Variants in COL18A1 observed in about 807,000 individuals in gnomAD.
COL18A1 encodes the protein collagen type XVIII alpha 1 chain, also known as collagen alpha-1(XVIII) chain.
COL18A1 carries 133 observed loss-of-function variants against 168.0 expected under a neutral mutation model. That is an observed-to-expected ratio of 0.79 (90% CI 0.69 to 0.91). COL18A1 has a LOEUF of 0.91. Ranked by LOEUF, COL18A1 falls within the 40% of genes least tolerant of loss-of-function variation. COL18A1 has a pLI of 0.00. For synonymous variants in COL18A1, 949 were observed against 809.0 expected, an observed-to-expected ratio of 1.17 and a Z score of -2.94; for missense variants, 2,126 against 1,925.4, an observed-to-expected ratio of 1.10 and a Z score of -1.95.
At chr21:45,475,997 C>A (rs913919014) in intron 5 of COL18A1, among the ~76,000 whole-genome samples, 2 of 152,186 alleles carry the variant, frequency 1.3e-5, no homozygotes, top group Non-Finnish European at 2.9e-5. Context: ...GCCCCAGCCG[C>A]GGGACTGAGG....
intron 2 of COL18A1, among the ~76,000 whole-genome samples, chr21:45,437,817 C>T (rs1380927797): frequency 1.4e-5 from 1 of 70,220 alleles, no homozygotes. Context: ...CTCTCCTGCA[C>T]ACACTCACAC....
rs377152291 is a variant in COL18A1, at chr21:45,505,948, C to T, written c.3198C>T (p.Asn1066=). 521 of 1,613,260 alleles carry T rather than the reference C, an allele frequency of 3.2e-4. 6 individuals carry two copies. The African/African-American group carries it at 3.2e-3, about 10-fold the overall frequency. ...EQEELYVRVQ[N]GFRKVQLEAR... ...AGGAGCTCTACGTCCGCGTGCAGAA[C>T]GGGTTCCGGAAGGTCCAGGTGAGCG... The change falls in exon 37 of 42, where the codon AAC becomes AAT. Residue 1066 remains asparagine, a synonymous_variant. Coordinates refer to ENST00000651438, the MANE Select transcript of COL18A1 (RefSeq NM_001379500.1).
chr21:45,471,200 C>T lies in COL18A1; in HGVS notation c.651+2414C>T, dbSNP rs558057589. ...TGGGCGTGGGTGGCGCGCTATGGGC[C>T]GTGTGCTGAGGGCTGTGTTGGTTGA... is the stretch of plus-strand genomic sequence containing the variant. On this transcript the variant is annotated intron_variant, in intron 3 of 41. Coordinates refer to ENST00000651438, the MANE Select transcript of COL18A1 (RefSeq NM_001379500.1). The surrounding 1 kb of genome is among the most constrained non-coding windows in gnomAD (Gnocchi z 4.4). Among the ~76,000 whole-genome samples, 3 of 152,132 alleles carry T rather than the reference C, an allele frequency of 2.0e-5. No individual in the cohort carries two copies. The highest frequency in any genetic ancestry group is 4.8e-5 in the African/African-American group (2 of 41,482).
Position 45,509,371 on chromosome 21 carries a change from G to T in COL18A1, c.3265G>T (p.Ala1089Ser). 3.2e-6 allele frequency: 5 copies of T among 1,544,122 alleles called. No homozygotes were observed. Among genetic ancestry groups the T allele is most frequent in the Non-Finnish European group, 4.4e-6 (5 of 1,145,518 alleles). ...LPRGTDNEVA[A>S]LQPPVVQLHD... ...CCACCTGCAGGACAATGAAGTGGCC[G>T]CCTTGCAGCCCCCCGTGGTGCAGCT... The change falls in exon 39 of 42, where the codon GCC becomes TCC. Residue 1089 changes from alanine to serine, a missense_variant. By Grantham distance (99) the Ala-to-Ser change is moderately conservative (BLOSUM62 1). Coordinates refer to ENST00000651438, the MANE Select transcript of COL18A1 (RefSeq NM_001379500.1).
At chr21:45,427,106 C>G (rs953788556) in intron 2 of COL18A1, among the ~76,000 whole-genome samples, 2 of 152,206 alleles carry the variant, frequency 1.3e-5, no homozygotes, top group Non-Finnish European at 2.9e-5. Flanking sequence ...AAGCCGGGCT[C>G]TCTCCGGAGC....
At chr21:45,482,743 T>C in intron 14 of COL18A1, 52 bp from the exon 15 acceptor site, 1 of 1,614,152 alleles carries the variant, frequency 6.2e-7, no homozygotes, top group Non-Finnish European at 8.5e-7. Context: ...CCTTCCTCTG[T>C]CCACTGTGCT....
chr21:45,407,696 C>T (rs972726607), intron 2 of COL18A1: 1 of 152,308 alleles, frequency 6.6e-6, no homozygotes. Flanking sequence ...TCATGAGTCT[C>T]CTTGTCTCTG....
At chr21:45,455,244 C>A (rs2034753539) in intron 2 of COL18A1, among the ~76,000 whole-genome samples, 1 of 152,252 alleles carries the variant, frequency 6.6e-6, no homozygotes, top group African/African-American at 2.4e-5. Flanking sequence ...ACGTTGGGAA[C>A]CCTGTGGACA....
intron 9 of COL18A1, among the ~76,000 whole-genome samples, chr21:45,479,057 C>T (rs1042659083): frequency 1.3e-5 from 2 of 149,618 alleles, no homozygotes; most frequent in Non-Finnish European, 3.0e-5. Flanking sequence ...GGCCCACCCA[C>T]TGCAACAGGG....
intron 2 of COL18A1, chr21:45,455,504 G>A (rs752631911): frequency 7.3e-5 from 118 of 1,609,960 alleles, no homozygotes; most frequent in Non-Finnish European, 9.7e-5. Context: ...CCCTCCCGCC[G>A]CCCGCAGCTC....
At chr21:45,478,079 C>T (rs2035746747) in intron 8 of COL18A1, 114 bp downstream of exon 8, 11 of 748,180 alleles carry the variant, frequency 1.5e-5, no homozygotes, top group Non-Finnish European at 2.2e-5. Flanking sequence ...CGGGGCAGGT[C>T]AGCAGCCTCC....
At chr21:45,414,341 C>A (rs1303024384) in intron 2 of COL18A1, among the ~76,000 whole-genome samples, 1 of 152,240 alleles carries the variant, frequency 6.6e-6, no homozygotes, top group African/African-American at 2.4e-5. Context: ...GGCAGCAGGA[C>A]ATCCCTGTTT....
At chr21:45,489,580 G>A (rs576208873) in intron 19 of COL18A1, 59 bp downstream of exon 19, 68 of 1,173,022 alleles carry the variant, frequency 5.8e-5, no homozygotes, top group African/African-American at 2.9e-4. Flanking sequence ...GGGCCCAGCC[G>A]GACACCTGCG....
chr21:45,497,095 G>T lies in COL18A1; in HGVS notation c.2620+3G>T. 6.4e-7 allele frequency: 1 copy of T among 1,572,892 alleles called. No individual in the cohort carries two copies. On this transcript the variant is annotated splice_donor_region_variant and intron_variant, in intron 31 of 41. Coordinates refer to ENST00000651438, the MANE Select transcript of COL18A1 (RefSeq NM_001379500.1). ...CCCCGGGCCTCCAGGATTGCCAGGT[G>T]AGGGTCCTGGGCTCACAGCTGGGGA...
chr21:45,434,306 C>A (rs1339698308), intron 2 of COL18A1, among the ~76,000 whole-genome samples: 1 of 152,178 alleles, frequency 6.6e-6, no homozygotes, highest in Admixed American at 6.5e-5. Flanking sequence ...CGGGGACAGG[C>A]GGCCCGTGCT....
intron 6 of COL18A1, 100 bp downstream of exon 6, chr21:45,476,580 TGTGTA>T (rs902700555): frequency 6.1e-5 from 85 of 1,396,712 alleles, no homozygotes; most frequent in Non-Finnish European, 8.4e-5. Context: ...ATGTATGGTG[TGTGTA>T]GTGTGTGGTG....
At chr21:45,441,029 C>A (rs985844975) in intron 2 of COL18A1, among the ~76,000 whole-genome samples, 1 of 152,356 alleles carries the variant, frequency 6.6e-6, no homozygotes, top group Middle Eastern at 3.4e-3. Context: ...CACTGCTTGC[C>A]CCCGGGATGC....
chr21:45,494,321 C>T, intron 26 of COL18A1: 1 of 640,782 alleles, frequency 1.6e-6, no homozygotes, highest in Non-Finnish European at 2.8e-6. Context: ...ACGCAAACCC[C>T]AAACCCGACC....
chr21:45,510,443 G>A (rs2037512992), intron 40 of COL18A1, among the ~76,000 whole-genome samples, 182 bp downstream of exon 40: 1 of 152,182 alleles, frequency 6.6e-6, no homozygotes, highest in Admixed American at 6.5e-5. Context: ...GCTCAGGCCA[G>A]GCCTCTGCAT....
Sources: allele counts gnomAD v4.1 joint callset (sites outside exome capture counted in the v4.1 genomes callset), GRCh38; gene constraint gnomAD v4.1.1; non-coding constraint Gnocchi (gnomAD v3.1); transcripts MANE v1.5; gene names NCBI Gene and HGNC (gene_info 2026-07-23, HGNC 2026-07-21).